ZMYND8: variants seen among roughly 807,000 people sequenced by gnomAD.
ZMYND8 encodes the protein zinc finger MYND-type containing 8, also known as MYND-type zinc finger-containing chromatin reader ZMYND8.
In ZMYND8, 37 loss-of-function variants were observed where a neutral mutation model predicts 140.8. That is an observed-to-expected ratio of 0.26 (90% CI 0.20 to 0.35). ZMYND8 has a LOEUF of 0.35. Among genes scored for constraint, ZMYND8 ranks in the 10% least tolerant of loss-of-function variants. The pLI, the probability that ZMYND8 is intolerant of heterozygous loss-of-function variation, is 1.00. For missense variants in ZMYND8, 1,068 were observed against 1,570.0 expected, an observed-to-expected ratio of 0.68 and a Z score of 5.40; for synonymous variants, 592 against 597.1, an observed-to-expected ratio of 0.99 and a Z score of 0.12.
At chr20:47,248,554 C>T (rs2073915089) in intron 13 of ZMYND8, among the ~76,000 whole-genome samples, 1 of 152,228 alleles carries the variant, frequency 6.6e-6, no homozygotes, top group Non-Finnish European at 1.5e-5. Flanking sequence ...GCTTTACTTA[C>T]TTATTCAACA....
At chr20:47,264,143 T>A (rs866566353) in intron 11 of ZMYND8, among the ~76,000 whole-genome samples, 1 of 152,026 alleles carries the variant, frequency 6.6e-6, no homozygotes, top group Non-Finnish European at 1.5e-5. Flanking sequence ...AGGGATGGAG[T>A]AGGCATGCAG....
At chr20:47,213,423 A>C (rs899273804) in intron 21 of ZMYND8, among the ~76,000 whole-genome samples, 6 of 152,256 alleles carry the variant, frequency 3.9e-5, no homozygotes, top group Non-Finnish European at 8.8e-5. Context: ...AATGGAATAT[A>C]ATCACAGTAC....
rs368942069 is a variant in ZMYND8 at position 47,241,943 on chromosome 20, G to A, written c.2285-2805C>T. On this transcript the variant is annotated intron_variant, in intron 14 of 22. Coordinates refer to ENST00000471951, the MANE Select transcript of ZMYND8 (RefSeq NM_001281775.3). ...CACCATTCTCCTGCCTTAGCCTCCC[G>A]AGTAGCTGGGACTACAGGTGCCCGC... Among the ~76,000 whole-genome samples the A allele has an allele frequency of 4.1e-3, 620 of 150,966 alleles. 4 individuals carry two copies. The highest frequency in any genetic ancestry group is 0.015 in the African/African-American group (595 of 41,034).
chr20:47,284,745 A>G (rs1222368928), intron 8 of ZMYND8, among the ~76,000 whole-genome samples: 1 of 152,158 alleles, frequency 6.6e-6, no homozygotes, highest in Non-Finnish European at 1.5e-5. Context: ...TTCTCTCATA[A>G]GAAAGTACAT....
At position 47,276,591 on chromosome 20, in the gene ZMYND8, G is replaced by A; in HGVS notation, c.1203C>T (p.Pro401=). 2 of 1,613,922 alleles carry A rather than the reference G, an allele frequency of 1.2e-6. No homozygotes were observed. Among genetic ancestry groups the A allele is most frequent in the African/African-American group, 1.3e-5 (1 of 74,976 alleles). ...PNSQYQMLLD[P]TNPSAGTAKI... ...TGGCAGTGCCGGCGCTGGGGTTGGT[G>A]GGATCGAGCAGCATTTGATACTGGC... Residue 401 remains proline (P), a synonymous_variant, in exon 11 of 23, where the codon CCC becomes CCT. Transcript: ENST00000471951.
chr20:47,262,564 G>C (rs1036757170), intron 11 of ZMYND8, 136 bp from the exon 12 acceptor site: 143 of 1,221,266 alleles, frequency 1.2e-4, no homozygotes, highest in Non-Finnish European at 1.5e-4. Flanking sequence ...ATCACGAATG[G>C]GGTGGGGTGG....
intron 18 of ZMYND8, among the ~76,000 whole-genome samples, chr20:47,225,098 G>A (rs2037498451): frequency 6.7e-6 from 1 of 148,268 alleles, no homozygotes; most frequent in South Asian, 2.2e-4. Flanking sequence ...CCTCAGGCGT[G>A]CTTTCTTGTA....
chr20:47,285,605 TG>T (rs2147905025), intron 8 of ZMYND8: 1 of 863,074 alleles, frequency 1.2e-6, no homozygotes, highest in African/African-American at 1.8e-5. Flanking sequence ...TCATTGTAAC[TG>T]GAACATCTGA....
intron 12 of ZMYND8, among the ~76,000 whole-genome samples, chr20:47,254,332 C>T (rs967936872): frequency 6.6e-6 from 1 of 152,186 alleles, no homozygotes; most frequent in African/African-American, 2.4e-5. Context: ...AAAATGTCGC[C>T]GCATGTGGCC....
chr20:47,237,988 T>TC (rs1444980081), intron 15 of ZMYND8: 1 of 152,250 alleles, frequency 6.6e-6, no homozygotes, highest in Non-Finnish European at 1.5e-5. Flanking sequence ...GTGTGACGAA[T>TC]CTCCAGTTAC....
Position 47,238,953 on chromosome 20 carries a change from G to C in ZMYND8, c.2470C>G (p.Pro824Ala). The C allele has an allele frequency of 6.2e-7, 1 of 1,613,138 alleles. No individual in the cohort carries two copies. Among genetic ancestry groups the C allele is most frequent in the Middle Eastern group, 1.7e-4 (1 of 6,058 alleles). The change falls in exon 15 of 23, where the codon CCG (proline) becomes GCG (alanine). Residue 824 changes from proline (P) to alanine (A), a missense_variant. Pro to Ala is a conservative substitution (Grantham distance 27). Coordinates refer to ENST00000471951, the MANE Select transcript of ZMYND8 (RefSeq NM_001281775.3). ...GGGGCAGTCTCCTTCGGTAAAAGCG[G>C]CCTCTGCTTTTTCACTGGGCTTCCT... ...ATGSPVKKQRPLLPKETAPAV... is the reference protein window; with the variant it reads ...ATGSPVKKQRALLPKETAPAV...
At chr20:47,329,991 T>G (rs1312179284) in intron 2 of ZMYND8, among the ~76,000 whole-genome samples, 1 of 152,170 alleles carries the variant, frequency 6.6e-6, no homozygotes, top group Non-Finnish European at 1.5e-5. Flanking sequence ...AATACTTTCG[T>G]GGGCAATTTA....
chr20:47,327,113 T>A (rs1231252908), intron 2 of ZMYND8, among the ~76,000 whole-genome samples: 2 of 151,906 alleles, frequency 1.3e-5, no homozygotes, highest in African/African-American at 4.8e-5. Context: ...AAAGGAGCAA[T>A]CAGTGGCCAG....
At chr20:47,211,038 G>A (rs372920625) in intron 22 of ZMYND8, 141 bp from the exon 23 acceptor site, 33 of 1,155,366 alleles carry the variant, frequency 2.9e-5, no homozygotes, top group East Asian at 2.7e-4. Context: ...ACCGCTGACT[G>A]CCCTGCATCT....
intron 21 of ZMYND8, among the ~76,000 whole-genome samples, chr20:47,218,224 C>T (rs1158893555): frequency 6.6e-6 from 1 of 152,144 alleles, no homozygotes; most frequent in African/African-American, 2.4e-5. Flanking sequence ...CTGTATGCCA[C>T]CCTCCTGATG....
intron 11 of ZMYND8, among the ~76,000 whole-genome samples, chr20:47,275,347 C>T (rs2076192800): frequency 6.6e-6 from 1 of 151,948 alleles, no homozygotes; most frequent in Admixed American, 6.6e-5. Context: ...CAAAAATTAG[C>T]TGGACATAGT....
intron 2 of ZMYND8, among the ~76,000 whole-genome samples, chr20:47,340,880 G>C (rs759233012): frequency 2.0e-5 from 3 of 152,058 alleles, no homozygotes; most frequent in Non-Finnish European, 2.9e-5. Flanking sequence ...GAGGACAAAG[G>C]CTATAAACAA....
rs56220120 is a variant in ZMYND8, at chr20:47,230,034, C to A, written c.2857-228G>T. ...GGCAGGGACACTGCTAAACTTCCTA[C>A]CTGAACCATGCTAAAGGCACGGAAG... On this transcript the variant is annotated intron_variant, in intron 16 of 22. Coordinates refer to ENST00000471951, the MANE Select transcript of ZMYND8 (RefSeq NM_001281775.3). Among the ~76,000 whole-genome samples the A allele has an allele frequency of 3.8e-3, 577 of 152,248 alleles. 1 individual carries two copies. The highest frequency in any genetic ancestry group is 5.9e-3 in the Non-Finnish European group (404 of 68,016).
chr20:47,282,466 TG>T (rs2076663212), intron 9 of ZMYND8, among the ~76,000 whole-genome samples: 1 of 152,208 alleles, frequency 6.6e-6, no homozygotes, highest in Non-Finnish European at 1.5e-5. Flanking sequence ...GGCTCACGCC[TG>T]TAATCCCAGC....
Sources: gnomAD v4.1 joint callset for allele counts (sites outside exome capture counted in the v4.1 genomes callset) on GRCh38, gnomAD v4.1.1 for gene constraint, MANE v1.5 for transcripts, NCBI Gene and HGNC (gene_info 2026-07-23, HGNC 2026-07-21) for gene names.